The following PFKFB1 variants were observed in gnomAD, a reference collection of about 807,000 sequenced individuals.
PFKFB1 encodes the protein 6-phosphofructo-2-kinase/fructose-2,6-bisphosphatase 1.
Under a neutral mutation model 46.4 loss-of-function variants are expected in PFKFB1, and 34 were observed. The ratio of observed to expected loss-of-function variants is 0.73; its 90% CI spans 0.56 to 0.98. The LOEUF is 0.98. Among genes scored for constraint, PFKFB1 ranks in the 50% least tolerant of loss-of-function variants. PFKFB1 has a pLI of 0.00. For missense variants in PFKFB1, 393 were observed against 376.3 expected, an observed-to-expected ratio of 1.04 and a Z score of -0.37; for synonymous variants, 119 against 133.8, an observed-to-expected ratio of 0.89 and a Z score of 0.76.
chrX:54,951,305 G>A (rs2146616737), intron 8 of PFKFB1, among the ~76,000 whole-genome samples: 1 of 112,362 alleles, frequency 8.9e-6, no homozygotes, highest in South Asian at 3.8e-4. Flanking sequence ...GGAGCCCAGG[G>A]CATGGCAACC....
At chrX:54,951,846 C>A in intron 8 of PFKFB1, 59 bp downstream of exon 8, 1 of 1,011,735 alleles carries the variant, frequency 9.9e-7, no homozygotes, top group East Asian at 3.3e-5. Context: ...CACCACTACA[C>A]CTGCAGCCCA....
At chrX:54,980,832 C>T (rs554819086) in intron 1 of PFKFB1, among the ~76,000 whole-genome samples, 2 of 110,431 alleles carry the variant, frequency 1.8e-5, no homozygotes, top group Admixed American at 1.9e-4. Context: ...TTGGAATTAT[C>T]TGATTTATAC....
At chrX:54,997,035 C>T (rs750108319), upstream of PFKFB1, among the ~76,000 whole-genome samples, 34 of 111,876 alleles carry the variant, frequency 3.0e-4, no homozygotes, top group African/African-American at 1.1e-3. Context: ...TCTCAGTGAT[C>T]TGTAATTTGT....
chrX:54,980,859 G>A (rs1934966313), intron 1 of PFKFB1, among the ~76,000 whole-genome samples: 1 of 111,112 alleles, frequency 9.0e-6, no homozygotes, highest in African/African-American at 3.3e-5. Context: ...ATAAGCATTG[G>A]TTGTATGTTT....
At chrX:54,933,565 G>A (rs1428386343) in intron 13 of PFKFB1, 103 bp from the exon 14 acceptor site, 3 of 712,288 alleles carry the variant, frequency 4.2e-6, no homozygotes, top group Non-Finnish European at 6.5e-6. Flanking sequence ...CTTTCAGCCA[G>A]GCCCGGATCC....
chrX:54,938,623 C>T (rs1933495194), intron 10 of PFKFB1, among the ~76,000 whole-genome samples: 1 of 110,932 alleles, frequency 9.0e-6, no homozygotes, highest in African/African-American at 3.3e-5. Flanking sequence ...GACTTTAAAC[C>T]AACAAAGATC....
At chrX:54,953,582 G>A (rs1050649619) in intron 7 of PFKFB1, among the ~76,000 whole-genome samples, 1 of 111,696 alleles carries the variant, frequency 9.0e-6, no homozygotes, top group South Asian at 3.8e-4. Context: ...ACCCCAGAAT[G>A]CTCCCCTCTC....
At chrX:54,971,963 C>G (rs1332797030) in intron 1 of PFKFB1, among the ~76,000 whole-genome samples, 1 of 111,490 alleles carries the variant, frequency 9.0e-6, no homozygotes, top group East Asian at 2.8e-4. Flanking sequence ...ATTCTTCCTA[C>G]CCATGAGCAT....
chrX:54,949,054 G>T, intron 9 of PFKFB1, 21 bp downstream of exon 9: 1 of 1,207,551 alleles, frequency 8.3e-7, no homozygotes, highest in Non-Finnish European at 1.1e-6. Flanking sequence ...ACACACAGGA[G>T]ATTCACCCCA....
At chrX:54,945,353 C>T in intron 10 of PFKFB1, 86 bp downstream of exon 10, 1 of 509,469 alleles carries the variant, frequency 2.0e-6, no homozygotes, top group Non-Finnish European at 3.2e-6. Context: ...GTTTCTAAAG[C>T]TGTCTAGACA....
At chrX:54,946,441 G>A (rs748406469) in intron 9 of PFKFB1, among the ~76,000 whole-genome samples, 3 of 111,691 alleles carry the variant, frequency 2.7e-5, no homozygotes, top group South Asian at 7.6e-4. Flanking sequence ...TTCCTTCTGG[G>A]TATGTGGATT....
At chrX:54,943,753 AAAATAAAT>A (rs1204544298) in intron 10 of PFKFB1, among the ~76,000 whole-genome samples, 1 of 110,626 alleles carries the variant, frequency 9.0e-6, no homozygotes, top group African/African-American at 3.3e-5. Context: ...TCCGTCTCAA[AAAATAAAT>A]AAATAAATAA....
At chrX:54,938,475 T>A (rs936710424) in intron 10 of PFKFB1, among the ~76,000 whole-genome samples, 1 of 111,436 alleles carries the variant, frequency 9.0e-6, no homozygotes, top group Admixed American at 9.6e-5. Context: ...TCAAGACCCA[T>A]CAGTGTGCTG....
chrX:54,986,176 G>T (rs1309770240), intron 1 of PFKFB1, among the ~76,000 whole-genome samples: 1 of 112,028 alleles, frequency 8.9e-6, no homozygotes, highest in Non-Finnish European at 1.9e-5. Flanking sequence ...TACAAGGCAG[G>T]CCTGGTGGCT....
chrX:54,963,492 C>T (rs1347235590), intron 1 of PFKFB1, 110 bp from the exon 2 acceptor site: 16 of 812,317 alleles, frequency 2.0e-5, no homozygotes, highest in South Asian at 3.0e-5. Flanking sequence ...ATTACAGTAA[C>T]GAAAAAACCG....
intron 1 of PFKFB1, among the ~76,000 whole-genome samples, chrX:54,979,179 T>C (rs1934911291): frequency 9.0e-6 from 1 of 111,348 alleles, no homozygotes; most frequent in African/African-American, 3.3e-5. Context: ...TATTTAAAAA[T>C]AAAAAGCTAA....
At chrX:54,943,106 T>C (rs1933698024) in intron 10 of PFKFB1, among the ~76,000 whole-genome samples, 1 of 111,756 alleles carries the variant, frequency 8.9e-6, no homozygotes, top group South Asian at 3.7e-4. Flanking sequence ...TTTCCAGACT[T>C]GAAGAAGAAT....
At chrX:54,946,093 G>A (rs1047403683) in intron 9 of PFKFB1, among the ~76,000 whole-genome samples, 2 of 110,447 alleles carry the variant, frequency 1.8e-5, no homozygotes, top group Admixed American at 9.7e-5. Flanking sequence ...AGGTCTCAGT[G>A]TGTCTGTGGC....
chrX:54,959,850 T>C lies in PFKFB1; in HGVS notation c.361A>G (p.Ser121Gly). 8.3e-7 allele frequency: 1 copy of C among 1,206,962 alleles called. No individual in the cohort carries two copies. Among genetic ancestry groups the C allele is most frequent in the Non-Finnish European group, 1.1e-6 (1 of 891,381 alleles). Residue 121 changes from serine (S) to glycine (G), a missense_variant, in exon 4 of 14, where the codon AGC becomes GGC. Transcript: ENST00000375006. ...AALKDVHNYL[S>G]HEEGHVAVFD... ...ACCGCAACATGACCTTCCTCATGGC[T>C]GAGATAGTTGTGAACATCCTTCAGG...
Sources: allele counts gnomAD v4.1 joint callset (sites outside exome capture counted in the v4.1 genomes callset), GRCh38; gene constraint gnomAD v4.1.1; transcripts MANE v1.5; gene names NCBI Gene and HGNC (gene_info 2026-07-23, HGNC 2026-07-21).